The following PDIA5 variants were observed in gnomAD, a reference collection of about 807,000 sequenced individuals.
PDIA5 encodes the protein protein disulfide isomerase family A member 5.
Under a neutral mutation model 77.6 loss-of-function variants are expected in PDIA5, and 58 were observed. That is an observed-to-expected ratio of 0.75 (90% CI 0.61 to 0.93). The LOEUF (loss-of-function observed/expected upper bound fraction) is 0.93, where lower values mean the gene tolerates loss of function less well. Among genes scored for constraint, PDIA5 ranks in the 40% least tolerant of loss-of-function variants. PDIA5 has a pLI of 0.00. For missense variants in PDIA5, 630 were observed against 647.7 expected, an observed-to-expected ratio of 0.97 and a Z score of 0.30; for synonymous variants, 250 against 252.1, an observed-to-expected ratio of 0.99 and a Z score of 0.08.
intron 11 of PDIA5, among the ~76,000 whole-genome samples, chr3:123,137,592 A>G (rs1391614847): frequency 6.6e-6 from 1 of 152,224 alleles, no homozygotes. Context: ...GGTACTTTCC[A>G]TATTTTAACA....
At chr3:123,089,455 A>G (rs1175624452) in intron 2 of PDIA5, among the ~76,000 whole-genome samples, 161 bp downstream of exon 2, 1 of 152,262 alleles carries the variant, frequency 6.6e-6, no homozygotes, top group Non-Finnish European at 1.5e-5. Flanking sequence ...AGAGGCACAC[A>G]GAGGCATTGG....
At chr3:123,101,195 T>C (rs1934583061) in intron 3 of PDIA5, among the ~76,000 whole-genome samples, 1 of 152,092 alleles carries the variant, frequency 6.6e-6, no homozygotes, top group South Asian at 2.1e-4. Context: ...ATGCAATGAG[T>C]GGTTTCCAAA....
chr3:123,111,231 C>A (rs954735822), intron 7 of PDIA5, among the ~76,000 whole-genome samples: 1 of 152,214 alleles, frequency 6.6e-6, no homozygotes, highest in Non-Finnish European at 1.5e-5. Context: ...GAATCTGTGT[C>A]CTTCTACCCT....
Position 123,155,027 on chromosome 3 carries a change from A to G in PDIA5, c.1330A>G (p.Lys444Glu). Residue 444 changes from lysine to glutamate, a missense_variant, in exon 15 of 17, where the codon AAA becomes GAA. Transcript: ENST00000316218. ...PHFTATADAF[K>E]DDRKIACAAV... ...CTTTACTGCTACTGCTGATGCCTTC[A>G]AAGATGACCGAAAGGTAAGGACAGC... 6.2e-7 allele frequency: 1 copy of G among 1,610,022 alleles called. No individual in the cohort carries two copies. Among genetic ancestry groups the G allele is most frequent in the Non-Finnish European group, 8.5e-7 (1 of 1,176,252 alleles).
At chr3:123,112,587 T>C (rs370787341) in intron 7 of PDIA5, among the ~76,000 whole-genome samples, 4 of 145,648 alleles carry the variant, frequency 2.7e-5, no homozygotes, top group African/African-American at 1.0e-4. Flanking sequence ...CTTGCTCTGT[T>C]GCCCAGGCTG....
chr3:123,147,090 C>T (rs781657481), intron 13 of PDIA5, among the ~76,000 whole-genome samples: 1 of 152,172 alleles, frequency 6.6e-6, no homozygotes, highest in Non-Finnish European at 1.5e-5. Context: ...GGATTACAGG[C>T]GTGAACCACC....
At chr3:123,070,660 C>G (rs1413123506) in intron 1 of PDIA5, among the ~76,000 whole-genome samples, 1 of 152,140 alleles carries the variant, frequency 6.6e-6, no homozygotes, top group Non-Finnish European at 1.5e-5. Flanking sequence ...CAGGGCGATC[C>G]CTGCCGAGCC....
intron 10 of PDIA5, among the ~76,000 whole-genome samples, chr3:123,125,771 A>T (rs1935233872): frequency 6.6e-6 from 1 of 152,188 alleles, no homozygotes. Flanking sequence ...ACATGTTTGC[A>T]TCATGTCTTT....
chr3:123,153,948 C>A (rs1237802828), intron 14 of PDIA5, among the ~76,000 whole-genome samples: 1 of 152,200 alleles, frequency 6.6e-6, no homozygotes, highest in East Asian at 1.9e-4. Context: ...TGGAGCCTCC[C>A]CTTGCTCAGG....
intron 1 of PDIA5, among the ~76,000 whole-genome samples, chr3:123,075,862 A>G (rs1468214440): frequency 6.6e-6 from 1 of 152,216 alleles, no homozygotes; most frequent in Admixed American, 6.5e-5. Flanking sequence ...AACTAGACAC[A>G]TTTCCAAGTT....
intron 10 of PDIA5, among the ~76,000 whole-genome samples, chr3:123,124,666 T>C (rs1205004760): frequency 6.6e-6 from 1 of 152,216 alleles, no homozygotes; most frequent in East Asian, 1.9e-4. Context: ...CTGTCAGCTC[T>C]TCTGGAATAG....
chr3:123,088,316 G>T (rs140659156), intron 1 of PDIA5, among the ~76,000 whole-genome samples: 2 of 151,976 alleles, frequency 1.3e-5, no homozygotes, highest in East Asian at 1.9e-4. Context: ...TCCAGTTCCC[G>T]AAGTTTTCCA....
Position 123,161,331 on chromosome 3 carries a change from C to G in PDIA5, c.1355C>G (p.Ala452Gly). Residue 452 changes from alanine (A) to glycine (G), a missense_variant, in exon 16 of 17, where the codon GCC becomes GGC. Transcript: ENST00000316218. ...AFKDDRKIAC[A>G]AVDCVKDKNQ... ...TACCTTGGCTCCTAGATTGCCTGTG[C>G]CGCTGTTGACTGTGTCAAAGACAAG... is the stretch of plus-strand genomic sequence containing the variant. The G allele has an allele frequency of 2.5e-6, 4 of 1,613,842 alleles. No individual in the cohort carries two copies. The highest frequency in any genetic ancestry group is 1.1e-5 in the South Asian group (1 of 91,040).
At position 123,150,263 on chromosome 3, in the gene PDIA5, C is replaced by T. The variant is rs2292661; in HGVS notation, c.1172C>T (p.Thr391Met). Reference sequence around the variant, plus strand: ...GAGGCCCCCCCGCCCCCAGAGCCCACGTGGGAAGAGCAGCAGACAAGCGTG... The same window carrying T: ...GAGGCCCCCCCGCCCCCAGAGCCCATGTGGGAAGAGCAGCAGACAAGCGTG... The part of the protein sequence containing the change: ...NPEAPPPPEP[T>M]WEEQQTSVLH... The change falls in exon 14 of 17, where the codon ACG (threonine) becomes ATG (methionine). Residue 391 changes from threonine (T) to methionine (M), a missense_variant. Coordinates refer to ENST00000316218, the MANE Select transcript of PDIA5 (RefSeq NM_006810.4). 2.7e-4 allele frequency: 440 copies of T among 1,613,332 alleles called. 2 individuals carry two copies. In the East Asian group the frequency reaches 7.5e-3, roughly 27 times the overall value.
intron 8 of PDIA5, among the ~76,000 whole-genome samples, chr3:123,119,188 T>C (rs1188306321): frequency 6.6e-6 from 1 of 152,104 alleles, no homozygotes; most frequent in East Asian, 1.9e-4. Context: ...CCCAGGAGTT[T>C]AAGGCTGCAG....
chr3:123,067,247 G>A, intron 1 of PDIA5, 41 bp downstream of exon 1: 3 of 1,232,142 alleles, frequency 2.4e-6, no homozygotes, highest in Non-Finnish European at 3.1e-6. Flanking sequence ...GCCAGCACGT[G>A]TGTCCCGCGT....
chr3:123,158,159 G>A (rs1107377), intron 15 of PDIA5, among the ~76,000 whole-genome samples: 75,397 of 152,132 alleles, frequency 0.5, 18,685 homozygotes, highest in South Asian at 0.54. Flanking sequence ...TGTTGACTAG[G>A]TGAAGGAACA....
chr3:123,101,253 C>T (rs1934585805), intron 3 of PDIA5, among the ~76,000 whole-genome samples: 1 of 152,190 alleles, frequency 6.6e-6, no homozygotes, highest in South Asian at 2.1e-4. Flanking sequence ...AACCCAATTG[C>T]TCAGGTATCC....
chr3:123,144,600 G>C (rs1371197140), intron 11 of PDIA5: 1 of 152,260 alleles, frequency 6.6e-6, no homozygotes, highest in African/African-American at 2.4e-5. Flanking sequence ...AAAGCACAGA[G>C]CAGGCTGGGC....
Sources: gnomAD v4.1 joint callset for allele counts (sites outside exome capture counted in the v4.1 genomes callset) on GRCh38, gnomAD v4.1.1 for gene constraint, MANE v1.5 for transcripts, NCBI Gene and HGNC (gene_info 2026-07-23, HGNC 2026-07-21) for gene names.